The following NRG1 variants were observed in gnomAD, a reference collection of about 807,000 sequenced individuals.
NRG1 encodes the protein pro-neuregulin-1, membrane-bound isoform.
NRG1 carries 18 observed loss-of-function variants against 63.8 expected under a neutral mutation model. The observed-to-expected ratio is 0.28, with a 90% confidence interval of 0.19 to 0.42. The LOEUF (loss-of-function observed/expected upper bound fraction) is 0.42. Ranked by LOEUF, NRG1 falls within the 10% of genes least tolerant of loss-of-function variation. The pLI is 1.00. For missense variants in NRG1, 762 were observed against 814.7 expected (o/e 0.94, Z 0.79); for synonymous variants, 302 against 301.3 (o/e 1.00, Z -0.02).
intron 1 of NRG1, among the ~76,000 whole-genome samples, chr8:31,745,667 A>G (rs1344800296): frequency 6.6e-6 from 1 of 151,888 alleles, no homozygotes; most frequent in Admixed American, 6.6e-5. Flanking sequence ...TTTGAGGGGC[A>G]TTAATATTTC....
chr8:32,587,158 G>T (rs1766538051), intron 1 of NRG1, among the ~76,000 whole-genome samples: 1 of 151,994 alleles, frequency 6.6e-6, no homozygotes, highest in South Asian at 2.1e-4. Context: ...GCAGTAAGCT[G>T]TGATCACATA....
intron 1 of NRG1, among the ~76,000 whole-genome samples, chr8:32,015,794 C>T (rs564373995): frequency 2.4e-4 from 37 of 151,988 alleles, no homozygotes; most frequent in African/African-American, 7.2e-4. Flanking sequence ...CCTCAAAAGC[C>T]TAACGGAATC....
At chr8:31,788,668 T>C (rs1223411417) in intron 1 of NRG1, among the ~76,000 whole-genome samples, 1 of 152,184 alleles carries the variant, frequency 6.6e-6, no homozygotes, top group Non-Finnish European at 1.5e-5. Flanking sequence ...CAATAAACAG[T>C]ATATACCTCT....
chr8:31,873,545 C>T (rs537187921), intron 1 of NRG1, among the ~76,000 whole-genome samples: 4 of 152,160 alleles, frequency 2.6e-5, no homozygotes, highest in South Asian at 4.1e-4. Context: ...GGTGACACAG[C>T]GAGACTCCGT....
Position 31,917,524 on chromosome 8 carries a change from G to A in NRG1, c.37+278093G>A, listed in dbSNP as rs1193702179. ...AAAGATCAGATAGTTGTAGATATGCGGCGTTATTTCTGAGGGCTCTGTTCT... is the reference window on the plus strand; with the variant it reads ...AAAGATCAGATAGTTGTAGATATGCAGCGTTATTTCTGAGGGCTCTGTTCT... On this transcript the variant is annotated intron_variant, in intron 1 of 10. Coordinates refer to the NRG1 transcript ENST00000519301. Among the ~76,000 whole-genome samples the A allele has an allele frequency of 4.6e-5, 7 of 151,418 alleles. No homozygotes were observed. The South Asian group carries it at 6.3e-4, about 14-fold the overall frequency.
At chr8:31,914,087 C>T (rs892909287) in intron 1 of NRG1, among the ~76,000 whole-genome samples, 2 of 152,160 alleles carry the variant, frequency 1.3e-5, no homozygotes, top group African/African-American at 2.4e-5. Context: ...CTCTTGCCCC[C>T]TGGAGCTCTA....
intron 1 of NRG1, among the ~76,000 whole-genome samples, chr8:31,662,416 C>T (rs1806083860): frequency 6.6e-6 from 1 of 152,176 alleles, no homozygotes; most frequent in African/African-American, 2.4e-5. Context: ...TGGGCTTAGC[C>T]TATGTAGTTC....
rs114910968 is a variant in NRG1, at chr8:31,788,406, A to C, written c.37+148975A>C. On this transcript the variant is annotated intron_variant, in intron 1 of 10. Coordinates refer to the NRG1 transcript ENST00000519301. ...TTTAAATGGCTACATTAAGATATGG[A>C]TATTTAGGCTTGAAATAAGTTTAAA... is the stretch of plus-strand genomic sequence containing the variant. Among the ~76,000 whole-genome samples the C allele has an allele frequency of 9.1e-3, 1,385 of 152,234 alleles. 34 individuals carry two copies. Among genetic ancestry groups the C allele is most frequent in the African/African-American group, 0.032 (1,335 of 41,560 alleles).
chr8:31,669,459 G>A (rs908635323), intron 1 of NRG1, among the ~76,000 whole-genome samples: 3 of 152,008 alleles, frequency 2.0e-5, no homozygotes, highest in Non-Finnish European at 4.4e-5. Context: ...GGCTGGTCTC[G>A]AACTCCTGGG....
intron 5 of NRG1, among the ~76,000 whole-genome samples, chr8:32,679,462 A>G (rs1046175905): frequency 6.6e-6 from 1 of 152,166 alleles, no homozygotes; most frequent in South Asian, 2.1e-4. Context: ...ATCATAATAT[A>G]GTTATCTTTC....
At chr8:32,157,005 C>T (rs1182759763) in intron 1 of NRG1, among the ~76,000 whole-genome samples, 1 of 151,400 alleles carries the variant, frequency 6.6e-6, no homozygotes, top group African/African-American at 2.4e-5. Context: ...TGCCTCCAAC[C>T]AAGTCTCAAT....
intron 1 of NRG1, among the ~76,000 whole-genome samples, chr8:32,177,171 C>T (rs1161571478): frequency 6.6e-6 from 1 of 152,022 alleles, no homozygotes. Flanking sequence ...AGTTCATGTC[C>T]TTTGTAAGGA....
chr8:32,080,790 T>C (rs1294682791), intron 1 of NRG1, among the ~76,000 whole-genome samples: 4 of 151,536 alleles, frequency 2.6e-5, no homozygotes, highest in Admixed American at 6.6e-5. Context: ...TGTGTGTGTG[T>C]GTGTGTGTGT....
At chr8:32,314,437 G>A (rs572571092) in intron 1 of NRG1, among the ~76,000 whole-genome samples, 36 of 29,808 alleles carry the variant, frequency 1.2e-3, no homozygotes, top group Non-Finnish European at 1.7e-3. Flanking sequence ...AGGGAATGGC[G>A]GTCCTCGCGT....
intron 5 of NRG1, among the ~76,000 whole-genome samples, chr8:32,620,421 G>C (rs145129512): frequency 3.3e-5 from 5 of 151,938 alleles, no homozygotes; most frequent in African/African-American, 1.2e-4. Context: ...GTAAGACAGG[G>C]GAGGCTTTCA....
intron 5 of NRG1, among the ~76,000 whole-genome samples, chr8:32,690,207 A>G (rs895121030): frequency 6.6e-6 from 1 of 152,152 alleles, no homozygotes; most frequent in African/African-American, 2.4e-5. Flanking sequence ...TCTCCAAATG[A>G]AATCCTATTT....
intron 1 of NRG1, among the ~76,000 whole-genome samples, chr8:32,069,519 C>T (rs1036322780): frequency 1.1e-4 from 17 of 152,024 alleles, no homozygotes; most frequent in African/African-American, 3.9e-4. Flanking sequence ...GGGTGGGTGT[C>T]AAAAATCAAG....
intron 1 of NRG1, among the ~76,000 whole-genome samples, chr8:32,353,695 T>A (rs1038930928): frequency 6.6e-6 from 1 of 152,206 alleles, no homozygotes; most frequent in Non-Finnish European, 1.5e-5. Flanking sequence ...GTGGAGGAAC[T>A]GAAGTTCTCA....
At chr8:32,627,288 T>G (rs1430276849) in intron 5 of NRG1, among the ~76,000 whole-genome samples, 2 of 152,262 alleles carry the variant, frequency 1.3e-5, no homozygotes, top group East Asian at 3.9e-4. Flanking sequence ...GAAAATAGTT[T>G]GGGGAACTTT....
Sources: allele counts gnomAD v4.1 joint callset (sites outside exome capture counted in the v4.1 genomes callset), GRCh38; gene constraint gnomAD v4.1.1; transcripts MANE v1.5; gene names NCBI Gene and HGNC (gene_info 2026-07-23, HGNC 2026-07-21).